SRC: variants seen among roughly 807,000 people sequenced by gnomAD.
The protein encoded by SRC is proto-oncogene tyrosine-protein kinase Src.
A neutral mutation model predicts 62.9 loss-of-function variants in SRC; 13 were observed. The ratio of observed to expected loss-of-function variants is 0.21; its 90% CI spans 0.13 to 0.33. The LOEUF (loss-of-function observed/expected upper bound fraction) is 0.33, where lower values mean the gene tolerates loss of function less well. Ranked by LOEUF, SRC falls within the 10% of genes least tolerant of loss-of-function variation. SRC has a pLI of 1.00. For missense variants in SRC, 457 were observed against 737.3 expected, an observed-to-expected ratio of 0.62 and a Z score of 4.40; for synonymous variants, 302 against 317.5, an observed-to-expected ratio of 0.95 and a Z score of 0.52.
rs770683757 is a variant in SRC, at chr20:37,397,920, C to T, written c.859+66C>T. On this transcript the variant is annotated intron_variant, in intron 9 of 13. Coordinates refer to ENST00000373578, the MANE Select transcript of SRC (RefSeq NM_198291.3). The surrounding 1 kb of genome is among the most constrained non-coding windows in gnomAD (Gnocchi z 4.1). ...CCACCCCGTGTGGCAGCTCCGGGCT[C>T]CCTTGGTCCCTTTGCCTTTAGCTGC... The T allele has an allele frequency of 1.4e-4, 217 of 1,513,390 alleles. No homozygotes were observed. The highest frequency in any genetic ancestry group is 1.8e-4 in the Non-Finnish European group (202 of 1,131,544). The allele number at this position is 1,513,390 out of a possible 1,614,324, so 93.7% of individuals were successfully genotyped here.
intron 2 of SRC, among the ~76,000 whole-genome samples, chr20:37,370,990 CTT>C (rs200689108): frequency 1.2e-3 from 102 of 84,182 alleles, no homozygotes; most frequent in African/African-American, 6.9e-3. Context: ...TCTTCTTCTT[CTT>C]TTTTTTTTTT....
chr20:37,395,142 T>C (rs1019876851), intron 7 of SRC, among the ~76,000 whole-genome samples: 8 of 152,218 alleles, frequency 5.3e-5, no homozygotes, highest in Non-Finnish European at 1.0e-4. Context: ...TAGAAAATCA[T>C]GGTTGCCTAA....
chr20:37,360,517 G>A (rs961201783), intron 1 of SRC, among the ~76,000 whole-genome samples: 5 of 152,054 alleles, frequency 3.3e-5, no homozygotes, highest in African/African-American at 7.3e-5. Flanking sequence ...TTACAGGCGT[G>A]AGCCACCATC....
At chr20:37,383,911 T>TG (rs2070402832) in intron 3 of SRC, among the ~76,000 whole-genome samples, 1 of 151,796 alleles carries the variant, frequency 6.6e-6, no homozygotes, top group Admixed American at 6.5e-5. Context: ...TTTTTTTTTT[T>TG]TTCAAGTAGA....
At chr20:37,388,333 C>T (rs1037653123) in intron 5 of SRC, among the ~76,000 whole-genome samples, 1 of 152,158 alleles carries the variant, frequency 6.6e-6, no homozygotes, top group Non-Finnish European at 1.5e-5. Flanking sequence ...TGCCAGGAGG[C>T]CTGGAAGTGA....
intron 2 of SRC, among the ~76,000 whole-genome samples, chr20:37,377,269 T>G (rs1418191140): frequency 6.6e-6 from 1 of 152,220 alleles, no homozygotes; most frequent in Non-Finnish European, 1.5e-5. Flanking sequence ...CACTCGTACT[T>G]TTCAGTTGTT....
intron 1 of SRC, among the ~76,000 whole-genome samples, chr20:37,348,928 G>A (rs1168455904): frequency 6.6e-6 from 1 of 152,200 alleles, no homozygotes; most frequent in Non-Finnish European, 1.5e-5. Context: ...GCCAAGACGT[G>A]CTGTCATGGA....
chr20:37,389,719 T>C (rs1228012218), intron 5 of SRC, among the ~76,000 whole-genome samples: 2 of 152,170 alleles, frequency 1.3e-5, no homozygotes, highest in Non-Finnish European at 2.9e-5. Flanking sequence ...CACGCCACCC[T>C]GGCTGGCCCC....
At chr20:37,363,836 A>C (rs1253740805) in intron 1 of SRC, among the ~76,000 whole-genome samples, 1 of 152,086 alleles carries the variant, frequency 6.6e-6, no homozygotes, top group Non-Finnish European at 1.5e-5. Flanking sequence ...GGCTGCTAAG[A>C]GTTGGGATCT....
chr20:37,358,870 G>C (rs1173779891), intron 1 of SRC, among the ~76,000 whole-genome samples: 2 of 152,276 alleles, frequency 1.3e-5, no homozygotes, highest in East Asian at 3.8e-4. Flanking sequence ...CACTGGCAGA[G>C]CCGGTTTGAG....
chr20:37,377,679 C>G (rs142351056), intron 2 of SRC, among the ~76,000 whole-genome samples: 5 of 152,288 alleles, frequency 3.3e-5, no homozygotes, highest in Non-Finnish European at 7.3e-5. Flanking sequence ...TAGGCCTCAT[C>G]CACAGGCTTA....
At position 37,397,862 on chromosome 20, in the gene SRC, C is replaced by T. The variant is rs1291892674; in HGVS notation, c.859+8C>T. The T allele has an allele frequency of 6.2e-7, 1 of 1,606,386 alleles. No homozygotes were observed. Among genetic ancestry groups the T allele is most frequent in the Admixed American group, 1.7e-5 (1 of 59,548 alleles). ...TTGGCGAGGTGTGGATGGGTAAGGC[C>T]TGGCCCCTGCCCTCGGGAGAGGCAT... On this transcript the variant is annotated splice_region_variant and intron_variant, in intron 9 of 13. Transcript: ENST00000373578. The surrounding 1 kb of genome is among the most constrained non-coding windows in gnomAD (Gnocchi z 4.1).
At chr20:37,368,561 T>TTTG (rs2070109890) in intron 2 of SRC, among the ~76,000 whole-genome samples, 1 of 132,540 alleles carries the variant, frequency 7.5e-6, no homozygotes, top group Admixed American at 7.5e-5. Context: ...TTTTTTTTGT[T>TTTG]TTTTTTTTTG....
At position 37,401,651 on chromosome 20, in the gene SRC, G is replaced by A. The variant is rs1270972139; in HGVS notation, c.1089G>A (p.Leu363=). ...LKGETGKYLR[L]PQLVDMAAQI... is the part of the protein sequence containing the mutation. Reference sequence around the variant, plus strand: ...GGGAGACAGGCAAGTACCTGCGGCTGCCTCAGCTGGTGGACATGGCTGCTC... The same window carrying A: ...GGGAGACAGGCAAGTACCTGCGGCTACCTCAGCTGGTGGACATGGCTGCTC... Residue 363 remains leucine, a synonymous_variant, in exon 11 of 14, where the codon CTG becomes CTA. Coordinates refer to ENST00000373578, the MANE Select transcript of SRC (RefSeq NM_198291.3). The A allele has an allele frequency of 6.2e-7, 1 of 1,610,652 alleles. No individual in the cohort carries two copies. Among genetic ancestry groups the A allele is most frequent in the South Asian group, 1.1e-5 (1 of 90,490 alleles).
chr20:37,402,940 G>T lies in SRC; in HGVS notation c.1402+60G>T. The T allele has an allele frequency of 1.9e-6, 3 of 1,564,862 alleles. No homozygotes were observed. Among genetic ancestry groups the T allele is most frequent in the Non-Finnish European group, 2.6e-6 (3 of 1,157,804 alleles). On this transcript the variant is annotated intron_variant, in intron 13 of 13. Coordinates refer to ENST00000373578, the MANE Select transcript of SRC (RefSeq NM_198291.3). This position sits in a 1 kb window ranked among gnomAD's most constrained non-coding sequence, Gnocchi z 6.2. Reference sequence around the variant, plus strand: ...GAATCCCTCTGCCCTGGTGGCCTTGGGCAAGTCATGACTCCTGCTGGGCCT... The same window carrying T: ...GAATCCCTCTGCCCTGGTGGCCTTGTGCAAGTCATGACTCCTGCTGGGCCT...
chr20:37,402,288 A>G lies in SRC; in HGVS notation c.1117-147A>G. ...CACTGCTCCTGCTTTCGATGCCAACAGCATTTACTGTGAACTGACCTCACT... is the reference window on the plus strand; with the variant it reads ...CACTGCTCCTGCTTTCGATGCCAACGGCATTTACTGTGAACTGACCTCACT... On this transcript the variant is annotated intron_variant, in intron 11 of 13. Transcript: ENST00000373578. This position sits in a 1 kb window ranked among gnomAD's most constrained non-coding sequence, Gnocchi z 6.2. 1.1e-6 allele frequency: 1 copy of G among 932,918 alleles called. No individual in the cohort carries two copies. The highest frequency in any genetic ancestry group is 1.6e-6 in the Non-Finnish European group (1 of 626,660). The allele number at this position is 932,918 out of a possible 1,614,324, so 57.8% of individuals were successfully genotyped here. A position where few individuals can be genotyped will look rare whatever the true frequency, so the allele number is the denominator to read the frequency against.
At chr20:37,379,586 T>C (rs2147026421) in intron 2 of SRC, among the ~76,000 whole-genome samples, 1 of 150,542 alleles carries the variant, frequency 6.6e-6, no homozygotes, top group Non-Finnish European at 1.5e-5. Flanking sequence ...TAGCCGGGAG[T>C]GGTGGCACTC....
At chr20:37,366,185 G>A (rs908928380) in intron 2 of SRC, among the ~76,000 whole-genome samples, 19 of 152,170 alleles carry the variant, frequency 1.2e-4, no homozygotes, top group Admixed American at 6.5e-4. Context: ...TGCAGGGCCG[G>A]TGGGTGTGTA....
At chr20:37,381,153 A>G (rs776048419) in intron 2 of SRC, among the ~76,000 whole-genome samples, 1 of 152,134 alleles carries the variant, frequency 6.6e-6, no homozygotes, top group Non-Finnish European at 1.5e-5. Context: ...CACCAAGACC[A>G]AAAAAACAGT....
Sources: allele counts gnomAD v4.1 joint callset (sites outside exome capture counted in the v4.1 genomes callset), GRCh38; gene constraint gnomAD v4.1.1; non-coding constraint Gnocchi (gnomAD v3.1); transcripts MANE v1.5; gene names NCBI Gene and HGNC (gene_info 2026-07-23, HGNC 2026-07-21).